Variants in SLC9D1 observed in about 807,000 individuals in gnomAD.
SLC9D1 encodes putative LAG1-interacting protein.
At chr13:113,513,100 G>A in the SLC9D1 span, among the ~76,000 whole-genome samples, 2 of 152,134 alleles carry the variant, frequency 1.3e-5, no homozygotes, top group African/African-American at 2.4e-5. Flanking sequence ...AGAAGGGAAC[G>A]TCTGAACACT....
the SLC9D1 span, chr13:113,547,358 C>G: frequency 1.2e-6 from 2 of 1,613,938 alleles, no homozygotes. Context: ...TGTTCCTCAC[C>G]TTGTCAGTGG....
At chr13:113,521,662 C>T in the SLC9D1 span, among the ~76,000 whole-genome samples, 4 of 152,094 alleles carry the variant, frequency 2.6e-5, no homozygotes, top group South Asian at 2.1e-4. Context: ...TATTGCCAAA[C>T]GTAAACTGCA....
At chr13:113,508,868 G>A in the SLC9D1 span, among the ~76,000 whole-genome samples, 1 of 152,278 alleles carries the variant, frequency 6.6e-6, no homozygotes, top group Non-Finnish European at 1.5e-5. Flanking sequence ...AGGTGGGGAG[G>A]GAAAGGCTCA....
At chr13:113,498,464 G>C in the SLC9D1 span, 30 of 1,592,212 alleles carry the variant, frequency 1.9e-5, no homozygotes, top group Non-Finnish European at 2.5e-5. Context: ...ATGTAAGAAA[G>C]GCAGCGGATC....
the SLC9D1 span, among the ~76,000 whole-genome samples, chr13:113,533,480 A>G: frequency 6.6e-6 from 1 of 152,224 alleles, no homozygotes; most frequent in East Asian, 1.9e-4. Context: ...ATATAGGTAT[A>G]TTTGTGAAGA....
At chr13:113,497,012 C>T in the SLC9D1 span, among the ~76,000 whole-genome samples, 708 of 152,360 alleles carry the variant, frequency 4.6e-3, 3 homozygotes, top group Non-Finnish European at 7.3e-3. Context: ...TTATTATCTC[C>T]TATGCTGAGA....
the SLC9D1 span, among the ~76,000 whole-genome samples, chr13:113,536,940 C>T: frequency 2.0e-5 from 3 of 152,278 alleles, no homozygotes; most frequent in South Asian, 4.1e-4. Context: ...GCCGTGAGCA[C>T]GCCGTGCCCC....
At chr13:113,513,720 A>T in the SLC9D1 span, among the ~76,000 whole-genome samples, 1 of 152,104 alleles carries the variant, frequency 6.6e-6, no homozygotes, top group Non-Finnish European at 1.5e-5. Flanking sequence ...TCATAAAAAG[A>T]CTCCATTCAT....
At chr13:113,529,007 AGCAGAGCCCTG>A in the SLC9D1 span, 2 of 152,130 alleles carry the variant, frequency 1.3e-5, no homozygotes, top group Admixed American at 6.5e-5. Context: ...ATACGAAACA[AGCAGAGCCCTG>A]GCAGAGACTG....
At chr13:113,493,449 G>A in the SLC9D1 span, among the ~76,000 whole-genome samples, 3 of 152,178 alleles carry the variant, frequency 2.0e-5, no homozygotes, top group Admixed American at 6.5e-5. Flanking sequence ...TGGACCAACC[G>A]AGAGAAGCTT....
the SLC9D1 span, among the ~76,000 whole-genome samples, chr13:113,522,441 C>T: frequency 2.0e-5 from 3 of 152,144 alleles, no homozygotes; most frequent in Non-Finnish European, 2.9e-5. Context: ...CCCAGCTTCA[C>T]GCCATTCTCC....
At chr13:113,512,998 G>A in the SLC9D1 span, among the ~76,000 whole-genome samples, 28,150 of 152,020 alleles carry the variant, frequency 0.19, 3,440 homozygotes, top group African/African-American at 0.35. Flanking sequence ...TAGGTTTTCA[G>A]AACTCGAGAC....
the SLC9D1 span, among the ~76,000 whole-genome samples, chr13:113,508,624 A>T: frequency 0.025 from 3,847 of 152,202 alleles, 100 homozygotes; most frequent in East Asian, 0.12. Context: ...CAGAGCTGTT[A>T]AGTGGCATCT....
At chr13:113,495,140 C>A in the SLC9D1 span, among the ~76,000 whole-genome samples, 1 of 152,174 alleles carries the variant, frequency 6.6e-6, no homozygotes, top group Non-Finnish European at 1.5e-5. Context: ...CAGGCATAAG[C>A]CACCATGCCC....
the SLC9D1 span, chr13:113,495,624 G>A: frequency 1.6e-5 from 25 of 1,566,030 alleles, no homozygotes; most frequent in South Asian, 4.7e-5. Context: ...GCTGTTTCCC[G>A]TCCTTCCCTG....
At chr13:113,498,840 A>T in the SLC9D1 span, among the ~76,000 whole-genome samples, 1 of 152,194 alleles carries the variant, frequency 6.6e-6, no homozygotes, top group Non-Finnish European at 1.5e-5. Flanking sequence ...ATGCTGATCT[A>T]CTGGGGTGTT....
chr13:113,540,097 T>C, the SLC9D1 span, among the ~76,000 whole-genome samples: 1 of 152,186 alleles, frequency 6.6e-6, no homozygotes, highest in Non-Finnish European at 1.5e-5. Flanking sequence ...ATGTACCACA[T>C]TTTCTTTATC....
the SLC9D1 span, among the ~76,000 whole-genome samples, chr13:113,491,788 C>T: frequency 6.6e-6 from 1 of 152,248 alleles, no homozygotes; most frequent in African/African-American, 2.4e-5. Context: ...TGACTCCTAA[C>T]GGCTCCTCAC....
chr13:113,549,775 G>T, the SLC9D1 span: 1 of 692,190 alleles, frequency 1.4e-6, no homozygotes. Flanking sequence ...GGGACACTGC[G>T]TTTTACCGAT....
Sources: gnomAD v4.1 joint callset for allele counts (sites outside exome capture counted in the v4.1 genomes callset) on GRCh38, gnomAD v4.1.1 for gene constraint, MANE v1.5 for transcripts, NCBI Gene and HGNC (gene_info 2026-07-23, HGNC 2026-07-21) for gene names.